Variants in SFXN5 observed in about 807,000 individuals in gnomAD.
The protein encoded by SFXN5 is sideroflexin 5.
A neutral mutation model predicts 50.2 loss-of-function variants in SFXN5; 43 were observed. That is an observed-to-expected ratio of 0.86 (90% CI 0.67 to 1.11). The LOEUF is 1.11. Among genes scored for constraint, SFXN5 ranks in the 50% least tolerant of loss-of-function variants. The pLI is 0.00. For synonymous variants in SFXN5, 203 were observed against 185.8 expected (o/e 1.09, Z -0.75); for missense variants, 463 against 454.1 (o/e 1.02, Z -0.18).
At chr2:73,042,975 C>T (rs530776995) in intron 2 of SFXN5, among the ~76,000 whole-genome samples, 21 of 151,718 alleles carry the variant, frequency 1.4e-4, no homozygotes, top group African/African-American at 5.1e-4. Context: ...AGCTAAGACA[C>T]GAGGGTCATT....
chr2:72,963,706 ACTC>A (rs1573968621), intron 12 of SFXN5, among the ~76,000 whole-genome samples: 1 of 152,140 alleles, frequency 6.6e-6, no homozygotes, highest in East Asian at 1.9e-4. Flanking sequence ...CCCGGAGCCA[ACTC>A]AGACCCAGCC....
rs914804169 is a variant in SFXN5, at chr2:73,002,698, A to G, written c.358-1120T>C. Among the ~76,000 whole-genome samples, 8 of 152,198 alleles carry G rather than the reference A, an allele frequency of 5.3e-5. No homozygotes were observed. In the East Asian group the frequency reaches 1.5e-3, roughly 29 times the overall value. ...GCTAACACACACACACACAATCTAT[A>G]TTTATTGGCTCATATCAGTTTGAAT... On this transcript the variant is annotated intron_variant, in intron 6 of 13. Transcript: ENST00000272433.
Position 73,054,855 on chromosome 2 carries a change from T to C in SFXN5, c.171+3673A>G, listed in dbSNP as rs538052659. Among the ~76,000 whole-genome samples, 47 of 152,366 alleles carry C rather than the reference T, an allele frequency of 3.1e-4. No individual in the cohort carries two copies. The South Asian group carries it at 3.1e-3, about 10-fold the overall frequency. Reference sequence around the variant, plus strand: ...AGGTGGGCTAGATAAGTAGTTTCTCTAGTTTTGTGCTCTTGCAACTTTTTA... The same window carrying C: ...AGGTGGGCTAGATAAGTAGTTTCTCCAGTTTTGTGCTCTTGCAACTTTTTA... On this transcript the variant is annotated intron_variant, in intron 2 of 13. Coordinates refer to ENST00000272433, the MANE Select transcript of SFXN5 (RefSeq NM_144579.3).
intron 1 of SFXN5, among the ~76,000 whole-genome samples, chr2:73,067,833 CAA>C (rs1683284009): frequency 6.6e-6 from 1 of 152,206 alleles, no homozygotes; most frequent in Admixed American, 6.5e-5. Context: ...AACAAACCAA[CAA>C]ACAAACATGA....
chr2:72,950,693 C>A lies in SFXN5; in HGVS notation c.946-5594G>T, dbSNP rs1008982130. On this transcript the variant is annotated intron_variant, in intron 13 of 13. Coordinates refer to ENST00000272433, the MANE Select transcript of SFXN5 (RefSeq NM_144579.3). The surrounding 1 kb of genome is among the most constrained non-coding windows in gnomAD (Gnocchi z 4.2). Reference sequence around the variant, plus strand: ...CAAGGGAACCACATCTAGGGCCTTGCCTGGCAGTGGCCTCTGGACCCATGG... The same window carrying A: ...CAAGGGAACCACATCTAGGGCCTTGACTGGCAGTGGCCTCTGGACCCATGG... 6.6e-6 allele frequency among the ~76,000 whole-genome samples: 1 copy of A among 152,252 alleles called. No homozygotes were observed. The highest frequency in any genetic ancestry group is 1.5e-5 in the Non-Finnish European group (1 of 68,042).
intron 6 of SFXN5, among the ~76,000 whole-genome samples, chr2:73,012,649 AACACACACACACACAC>A (rs57635824): frequency 8.7e-4 from 110 of 125,918 alleles, no homozygotes; most frequent in African/African-American, 1.9e-3. Flanking sequence ...CTAGCCAAAC[AACACACACACACACAC>A]ACACACACAC....
rs548155392 is a variant in SFXN5 at position 72,946,681 on chromosome 2, C to T, written c.946-1582G>A. Reference sequence around the variant, plus strand: ...TCAGCTCTCCATCTCGGGAATGACGCCGCCATCCAGTGGTGCTCTGCCCAA... The same window carrying T: ...TCAGCTCTCCATCTCGGGAATGACGTCGCCATCCAGTGGTGCTCTGCCCAA... On this transcript the variant is annotated intron_variant, in intron 13 of 13. Coordinates refer to ENST00000272433, the MANE Select transcript of SFXN5 (RefSeq NM_144579.3). Among the ~76,000 whole-genome samples, 102 of 152,264 alleles carry T rather than the reference C, an allele frequency of 6.7e-4. 1 individual carries two copies. The highest frequency in any genetic ancestry group is 2.2e-3 in the African/African-American group (91 of 41,542).
intron 13 of SFXN5, among the ~76,000 whole-genome samples, chr2:72,958,967 C>T (rs1673406282): frequency 6.6e-6 from 1 of 152,170 alleles, no homozygotes. Context: ...CCATTTCTCA[C>T]CTTCCAGGGC....
chr2:72,989,761 G>C (rs565934537), intron 9 of SFXN5, among the ~76,000 whole-genome samples: 7 of 152,340 alleles, frequency 4.6e-5, no homozygotes, highest in African/African-American at 9.6e-5. Flanking sequence ...GGCCTGGAGA[G>C]AGAAAAGACA....
At chr2:72,995,200 C>A (rs1457866084) in intron 9 of SFXN5, among the ~76,000 whole-genome samples, 4 of 152,180 alleles carry the variant, frequency 2.6e-5, no homozygotes, top group African/African-American at 9.7e-5. Flanking sequence ...AGCCGGGGCC[C>A]AGGGAGGGCC....
At chr2:73,017,439 C>A (rs1201077442) in intron 6 of SFXN5, among the ~76,000 whole-genome samples, 1 of 152,138 alleles carries the variant, frequency 6.6e-6, no homozygotes, top group Non-Finnish European at 1.5e-5. Context: ...AAGTAGATAA[C>A]ATAAACACAT....
At chr2:73,042,172 A>G (rs542460855) in intron 2 of SFXN5, among the ~76,000 whole-genome samples, 2 of 152,354 alleles carry the variant, frequency 1.3e-5, no homozygotes, top group East Asian at 1.9e-4. Context: ...CAACAGTAAC[A>G]GAAGGTAGCC....
At chr2:72,968,744 CTCTT>C (rs1226703727) in intron 11 of SFXN5, among the ~76,000 whole-genome samples, 2 of 151,324 alleles carry the variant, frequency 1.3e-5, no homozygotes, top group African/African-American at 2.4e-5. Flanking sequence ...CCCTCCCTCC[CTCTT>C]TCTTTCCTTC....
At chr2:73,000,039 C>G (rs933872260) in intron 8 of SFXN5, among the ~76,000 whole-genome samples, 2 of 152,174 alleles carry the variant, frequency 1.3e-5, no homozygotes, top group African/African-American at 4.8e-5. Context: ...AAGGCAGCTT[C>G]CAGAAATTTT....
intron 10 of SFXN5, among the ~76,000 whole-genome samples, chr2:72,984,507 G>A (rs920016865): frequency 1.4e-5 from 2 of 144,676 alleles, no homozygotes; most frequent in African/African-American, 5.2e-5. Flanking sequence ...CCCTGGGCTG[G>A]GCCTGGGAGG....
At chr2:73,050,392 GCACACACACA>G (rs35090808) in intron 2 of SFXN5, among the ~76,000 whole-genome samples, 3 of 146,610 alleles carry the variant, frequency 2.0e-5, no homozygotes, top group East Asian at 4.0e-4. Context: ...CACAGCGCAC[GCACACACACA>G]CACACACACA....
chr2:72,968,677 C>T, intron 11 of SFXN5, 144 bp from the exon 12 acceptor site: 1 of 572,780 alleles, frequency 1.7e-6, no homozygotes, highest in Non-Finnish European at 2.8e-6. Context: ...AAGCTGCATT[C>T]CAAACAACAA....
At chr2:73,060,824 C>T (rs902244670) in intron 1 of SFXN5, among the ~76,000 whole-genome samples, 14 of 151,766 alleles carry the variant, frequency 9.2e-5, no homozygotes, top group African/African-American at 3.1e-4. Context: ...CTCAGCCTCC[C>T]GAGTAGCTGT....
intron 6 of SFXN5, among the ~76,000 whole-genome samples, chr2:73,001,834 T>G (rs191025758): frequency 6.6e-6 from 1 of 152,172 alleles, no homozygotes; most frequent in Non-Finnish European, 1.5e-5. Flanking sequence ...CACAAACACA[T>G]GCATACACAC....
Sources: gnomAD v4.1 joint callset for allele counts (sites outside exome capture counted in the v4.1 genomes callset) on GRCh38, gnomAD v4.1.1 for gene constraint, Gnocchi (gnomAD v3.1) non-coding constraint, MANE v1.5 for transcripts, NCBI Gene and HGNC (gene_info 2026-07-23, HGNC 2026-07-21) for gene names.